Variants in WDR97 observed in about 807,000 individuals in gnomAD.
WDR97 encodes the protein WD repeat-containing protein 97.
WDR97 carries 111 observed loss-of-function variants against 65.4 expected under a neutral mutation model. That is an observed-to-expected ratio of 1.70 (90% confidence interval 1.45 to 1.99). The LOEUF is 1.99. WDR97 is among the 30% of genes most tolerant of loss of function. The probability of loss-of-function intolerance (pLI) is 0.00; values close to 1 mark genes in which losing one functional copy is unlikely to be tolerated. For synonymous variants in WDR97, 802 were observed against 397.7 expected, an observed-to-expected ratio of 2.02 and a Z score of -12.10; for missense variants, 1,674 against 865.0, an observed-to-expected ratio of 1.94 and a Z score of -11.73.
intron 14 of WDR97, 44 bp from the exon 15 acceptor site, chr8:144,112,403 G>C (rs1836569450): frequency 4.3e-6 from 3 of 702,500 alleles, no homozygotes; most frequent in Non-Finnish European, 7.8e-6. Context: ...AGCTGCCGGG[G>C]TGCTAGGGGC....
chr8:144,113,588 GT>G (rs1296148996), intron 16 of WDR97, 68 bp from the exon 17 acceptor site: 6 of 669,744 alleles, frequency 9.0e-6, no homozygotes, highest in Non-Finnish European at 1.4e-5. Flanking sequence ...AGGGCTGGGG[GT>G]TTTGCCGGCA....
chr8:144,111,962 TG>T lies in WDR97; in HGVS notation c.2714del (p.Cys905LeufsTer68), dbSNP rs201906163. The T allele has an allele frequency of 2.5e-3, 1,742 of 702,534 alleles. 49 individuals carry two copies. The East Asian group carries it at 0.043, about 17-fold the overall frequency. 43.5% of individuals were successfully genotyped at this position (702,534 alleles called of 1,614,324 possible). A position where few individuals can be genotyped will look rare whatever the true frequency, so the allele number is the denominator to read the frequency against. ...AGTGGAGAGAGAGACCCGGGATGTGTGTGCTGTACCCCAAGCTGCCCACTGT... is the reference window on the plus strand; with the variant it reads ...AGTGGAGAGAGAGACCCGGGATGTGTTGCTGTACCCCAAGCTGCCCACTGT... Reference protein sequence around the residue: ...LRVERETRDVCAVPQAAHCLA... With the variant: ...LRVERETRDVXAVPQAAHCLA... On this transcript the variant is annotated frameshift_variant, in exon 13 of 24. Transcript: ENST00000323662. LOFTEE classifies it high-confidence loss of function.
chr8:144,112,701 C>T, intron 15 of WDR97, 171 bp downstream of exon 15: 4 of 622,110 alleles, frequency 6.4e-6, no homozygotes, highest in African/African-American at 1.8e-5. Context: ...ACCCCTCACC[C>T]TTCACCCTCT....
At chr8:144,111,856 T>G in intron 12 of WDR97, 31 bp from the exon 13 acceptor site, 1 of 688,014 alleles carries the variant, frequency 1.5e-6, no homozygotes, top group Non-Finnish European at 2.7e-6. Context: ...ACCTGGTCTC[T>G]GATGGTCTGT....
rs1836536617 is a variant in WDR97, at chr8:144,111,017, G to A, written c.2304+21G>A. 5.7e-6 allele frequency: 4 copies of A among 702,494 alleles called. No homozygotes were observed. In the East Asian group the frequency reaches 1.1e-4, roughly 19 times the overall value. The allele number at this position is 702,494 out of a possible 1,614,324, so 43.5% of individuals were successfully genotyped here. A position where few individuals can be genotyped will look rare whatever the true frequency, so the allele number is the denominator to read the frequency against. On this transcript the variant is annotated intron_variant, in intron 9 of 23. Transcript: ENST00000323662. ...TTAAGGTGTGTGGTGAGGACAGAGT[G>A]AGCAAGGTGGGCCCCCCTTGCTCAC...
Position 144,109,974 on chromosome 8 carries a change from G to A in WDR97, c.1640G>A (p.Arg547His). 1.4e-6 allele frequency: 1 copy of A among 701,622 alleles called. No individual in the cohort carries two copies. Among genetic ancestry groups the A allele is most frequent in the South Asian group, 1.5e-5 (1 of 67,478 alleles). The allele number at this position is 701,622 out of a possible 1,614,324, so 43.5% of individuals were successfully genotyped here. ...EGAFSSWEIV[R>H]QHWGELRCSS... ...GCCTTCTCCTCCTGGGAGATCGTGC[G>A]CCAGCACTGGGGCGAGTTGCGCTGC... The change falls in exon 5 of 24, where the codon CGC becomes CAC. Residue 547 changes from arginine (R) to histidine (H), a missense_variant. Arg to His is a conservative substitution (Grantham distance 29). Transcript: ENST00000323662.
intron 15 of WDR97, chr8:144,112,794 C>T: frequency 3.6e-6 from 2 of 548,744 alleles, no homozygotes; most frequent in Non-Finnish European, 6.5e-6. Context: ...AAAGCCAGTC[C>T]CCCCAGCCGG....
intron 21 of WDR97, 21 bp downstream of exon 21, chr8:144,114,932 G>C (rs1303705737): frequency 1.5e-6 from 1 of 670,032 alleles, no homozygotes; most frequent in Admixed American, 2.3e-5. Context: ...CAGGGGCCGG[G>C]GGGGCCTTGG....
In WDR97 at chr8:144,114,630, T is replaced by C; in HGVS notation, c.3869T>C (p.Val1290Ala). The C allele has an allele frequency of 2.8e-6, 2 of 702,858 alleles. No homozygotes were observed. Among genetic ancestry groups the C allele is most frequent in the South Asian group, 3.0e-5 (2 of 67,606 alleles). The allele number at this position is 702,858 out of a possible 1,614,324, so 43.5% of individuals were successfully genotyped here. A position where few individuals can be genotyped will look rare whatever the true frequency, so the allele number is the denominator to read the frequency against. ...TGCTCCCTGGAGTCCCGGGATGTGG[T>C]GCTGGAGCTCATGTCCTACTTCCTC... is the stretch of plus-strand genomic sequence containing the variant. ...LACSLESRDVVLELMSYFLYS... is the reference protein window; with the variant it reads ...LACSLESRDVALELMSYFLYS... Residue 1290 changes from valine to alanine, a missense_variant, in exon 20 of 24, where the codon GTG (valine) becomes GCG (alanine). Physicochemically the swap from Val to Ala is moderately conservative, Grantham distance 64. Transcript: ENST00000323662.
chr8:144,115,108 C>T (rs1332798055), intron 21 of WDR97, among the ~76,000 whole-genome samples, 197 bp downstream of exon 21: 1 of 151,092 alleles, frequency 6.6e-6, no homozygotes, highest in Non-Finnish European at 1.5e-5. Flanking sequence ...GTGTCTGGCC[C>T]GAACCAGGGA....
At position 144,110,682 on chromosome 8, in the gene WDR97, C is replaced by G; in HGVS notation, c.2114C>G (p.Ala705Gly). 1 of 702,882 alleles carries G rather than the reference C, an allele frequency of 1.4e-6. No individual in the cohort carries two copies. The highest frequency in any genetic ancestry group is 1.5e-5 in the South Asian group (1 of 67,602). The allele number at this position is 702,882 out of a possible 1,614,324, so 43.5% of individuals were successfully genotyped here. The change falls in exon 8 of 24, where the codon GCC becomes GGC. Residue 705 changes from alanine (A) to glycine (G), a missense_variant. Physicochemically the swap from Ala to Gly is moderately conservative, Grantham distance 60 (BLOSUM62 0). Coordinates refer to ENST00000323662, the MANE Select transcript of WDR97 (RefSeq NM_001316309.2). Reference sequence around the variant, plus strand: ...TGCTGCCCCACGCTCAAACTGTATGCCTGCTCCAGCCTGGACTGCACCGTT... The same window carrying G: ...TGCTGCCCCACGCTCAAACTGTATGGCTGCTCCAGCCTGGACTGCACCGTT... Reference protein sequence around the residue: ...LCCCPTLKLYACSSLDCTVRI... With the variant: ...LCCCPTLKLYGCSSLDCTVRI...
Position 144,113,457 on chromosome 8 carries a change from C to T in WDR97, c.3123C>T (p.Ile1041=), listed in dbSNP as rs1836587393. The change falls in exon 16 of 24, where the codon ATC becomes ATT. Residue 1041 remains isoleucine, a synonymous_variant. Transcript: ENST00000323662. ...ACCTCCAGCACTGCCTGAGGCCCAT[C>T]TGCTTCCCCGGCTATGTGCCCAACT... ...VQPHKHCLRP[I]CFPGYVPNSA... The T allele has an allele frequency of 1.4e-6, 1 of 702,398 alleles. No homozygotes were observed. Among genetic ancestry groups the T allele is most frequent in the East Asian group, 2.7e-5 (1 of 37,284 alleles). 43.5% of individuals were successfully genotyped at this position (702,398 alleles called of 1,614,324 possible). A position where few individuals can be genotyped will look rare whatever the true frequency, so the allele number is the denominator to read the frequency against.
At position 144,110,655 on chromosome 8, in the gene WDR97, G is replaced by A. The variant is rs868300992; in HGVS notation, c.2087G>A (p.Cys696Tyr). ...DDPTDHITGL[C>Y]CCPTLKLYAC... ...CCCTGAACCCTGCCGCCAGGCCTGT[G>A]CTGCTGCCCCACGCTCAAACTGTAT... Residue 696 changes from cysteine (C) to tyrosine (Y), a missense_variant, in exon 8 of 24, where the codon TGC becomes TAC. By Grantham distance (194) the Cys-to-Tyr change is radical. Transcript: ENST00000323662. 3 of 702,770 alleles carry A rather than the reference G, an allele frequency of 4.3e-6. No individual in the cohort carries two copies. The highest frequency in any genetic ancestry group is 5.2e-6 in the Non-Finnish European group (2 of 385,016). 43.5% of individuals were successfully genotyped at this position (702,770 alleles called of 1,614,324 possible). A position where few individuals can be genotyped will look rare whatever the true frequency, so the allele number is the denominator to read the frequency against.
rs752351402 is a variant in WDR97 at position 144,112,054 on chromosome 8, G to C, written c.2805G>C (p.Leu935=). The part of the protein sequence containing the change: ...TVPTALSPQD[L]GALGQHFSQS... ...CAACAGCCCTGTCCCCACAGGACCT[G>C]GGAGCCCTGGGCCAGCACTTCTCCC... Residue 935 remains leucine, a synonymous_variant, in exon 13 of 24, where the codon CTG becomes CTC. Coordinates refer to ENST00000323662, the MANE Select transcript of WDR97 (RefSeq NM_001316309.2). 8 of 702,744 alleles carry C rather than the reference G, an allele frequency of 1.1e-5. No individual in the cohort carries two copies. Among genetic ancestry groups the C allele is most frequent in the Non-Finnish European group, 2.1e-5 (8 of 385,004 alleles). The allele number at this position is 702,744 out of a possible 1,614,324, so 43.5% of individuals were successfully genotyped here.
At position 144,112,545 on chromosome 8, in the gene WDR97, C is replaced by A. The variant is rs1333433792; in HGVS notation, c.3105+15C>A. 2.8e-6 allele frequency: 2 copies of A among 702,526 alleles called. No individual in the cohort carries two copies. Among genetic ancestry groups the A allele is most frequent in the Non-Finnish European group, 5.2e-6 (2 of 384,912 alleles). The allele number at this position is 702,526 out of a possible 1,614,324, so 43.5% of individuals were successfully genotyped here. A position where few individuals can be genotyped will look rare whatever the true frequency, so the allele number is the denominator to read the frequency against. Reference sequence around the variant, plus strand: ...AGCCCCACAAGGTGAGACCCCCTCCCAGCTCCTGGAGAGCCACTCCTCTCC... The same window carrying A: ...AGCCCCACAAGGTGAGACCCCCTCCAAGCTCCTGGAGAGCCACTCCTCTCC... On this transcript the variant is annotated intron_variant, in intron 15 of 23. Coordinates refer to ENST00000323662, the MANE Select transcript of WDR97 (RefSeq NM_001316309.2).
chr8:144,116,596 T>A lies in WDR97; in HGVS notation c.*303T>A, dbSNP rs551069759. 39 of 301,456 alleles carry A rather than the reference T, an allele frequency of 1.3e-4. No individual in the cohort carries two copies. Among genetic ancestry groups the A allele is most frequent in the Non-Finnish European group, 1.9e-4 (31 of 164,170 alleles). 18.7% of individuals were successfully genotyped at this position (301,456 alleles called of 1,614,324 possible). Reference sequence around the variant, plus strand: ...CGCTGGGCACTGAGCAAACGTTTTCTGCTCAAGTACTAGGTGTTGAGATGC... The same window carrying A: ...CGCTGGGCACTGAGCAAACGTTTTCAGCTCAAGTACTAGGTGTTGAGATGC... On this transcript the variant is annotated 3_prime_UTR_variant, in exon 24 of 24. Transcript: ENST00000323662.
chr8:144,109,479 C>G lies in WDR97; in HGVS notation c.1145C>G (p.Ser382Cys). The G allele has an allele frequency of 2.9e-6, 2 of 698,046 alleles. No homozygotes were observed. Among genetic ancestry groups the G allele is most frequent in the Non-Finnish European group, 5.2e-6 (2 of 382,686 alleles). 43.2% of individuals were successfully genotyped at this position (698,046 alleles called of 1,614,324 possible). Residue 382 changes from serine to cysteine, a missense_variant, in exon 5 of 24, where the codon TCC becomes TGC. Coordinates refer to ENST00000323662, the MANE Select transcript of WDR97 (RefSeq NM_001316309.2). ...GGCTTCTGGGGCCAGGACAAGCTGT[C>G]CCGGCGCGTGGGCCGTCTGCTGGCG... ...ALGFWGQDKLSRRVGRLLAPV... is the reference protein window; with the variant it reads ...ALGFWGQDKLCRRVGRLLAPV...
At chr8:144,112,816 A>C in intron 15 of WDR97, 4 of 509,458 alleles carry the variant, frequency 7.9e-6, no homozygotes, top group South Asian at 6.1e-5. Context: ...TATGCCACAC[A>C]CCCCTTTCCC....
rs755783991 is a variant in WDR97 at position 144,115,392 on chromosome 8, G to A, written c.4129G>A (p.Val1377Met). The A allele has an allele frequency of 3.1e-5, 20 of 636,454 alleles. No homozygotes were observed. The highest frequency in any genetic ancestry group is 1.9e-4 in the East Asian group (7 of 36,330). 39.4% of individuals were successfully genotyped at this position (636,454 alleles called of 1,614,324 possible). ...CTCTGGGGCACCCACACGCGCCTCC[G>A]TGATACCCTCGGGCACCTCCTGGTC... Reference protein sequence around the residue: ...VVSGAPTRASVIPSGTSWSAS... With the variant: ...VVSGAPTRASMIPSGTSWSAS... The change falls in exon 22 of 24, where the codon GTG becomes ATG. Residue 1377 changes from valine (V) to methionine (M), a missense_variant. Coordinates refer to ENST00000323662, the MANE Select transcript of WDR97 (RefSeq NM_001316309.2).
Sources: allele counts gnomAD v4.1 joint callset (sites outside exome capture counted in the v4.1 genomes callset), GRCh38; gene constraint gnomAD v4.1.1; transcripts MANE v1.5; gene names NCBI Gene and HGNC (gene_info 2026-07-23, HGNC 2026-07-21).